NCOA1: variants seen among roughly 807,000 people sequenced by gnomAD.
The protein encoded by NCOA1 is nuclear receptor coactivator 1, also known as Hin-2 protein.
In NCOA1, 35 loss-of-function variants were observed where a neutral mutation model predicts 150.9. The ratio of observed to expected loss-of-function variants is 0.23; its 90% CI spans 0.18 to 0.31. NCOA1 has a LOEUF of 0.31. Among genes scored for constraint, NCOA1 ranks in the 10% least tolerant of loss-of-function variants. The pLI is 1.00. For synonymous variants in NCOA1, 590 were observed against 630.0 expected (o/e 0.94, Z 0.95); for missense variants, 1,491 against 1,749.3 (o/e 0.85, Z 2.63).
At chr2:24,530,124 A>G (rs1402984761) in intron 1 of NCOA1, among the ~76,000 whole-genome samples, 1 of 152,232 alleles carries the variant, frequency 6.6e-6, no homozygotes, top group African/African-American at 2.4e-5. Context: ...TCTTTCTGGC[A>G]TCACATTTGT....
At chr2:24,660,616 A>G (rs1259381839) in intron 5 of NCOA1, among the ~76,000 whole-genome samples, 2 of 152,108 alleles carry the variant, frequency 1.3e-5, no homozygotes, top group Admixed American at 1.3e-4. Flanking sequence ...TTAACTTTTG[A>G]TTAGTATTGC....
At chr2:24,656,087 CAAAAAA>C (rs58446937) in intron 4 of NCOA1, among the ~76,000 whole-genome samples, 2 of 62,080 alleles carry the variant, frequency 3.2e-5, no homozygotes, top group African/African-American at 1.1e-4. Flanking sequence ...GACTCCGTCT[CAAAAAA>C]AAAAAAAAAA....
chr2:24,528,884 G>A (rs1447143061), intron 1 of NCOA1, among the ~76,000 whole-genome samples: 1 of 151,878 alleles, frequency 6.6e-6, no homozygotes, highest in Non-Finnish European at 1.5e-5. Context: ...ATGATGAAGA[G>A]TTTTGTTTGT....
At chr2:24,507,250 G>A (rs1182909406) in intron 1 of NCOA1, among the ~76,000 whole-genome samples, 1 of 152,032 alleles carries the variant, frequency 6.6e-6, no homozygotes, top group Non-Finnish European at 1.5e-5. Context: ...TTGAATTCTG[G>A]CTCTCTCTGC....
At chr2:24,602,802 C>CATCA (rs1202189915) in intron 3 of NCOA1, among the ~76,000 whole-genome samples, 1 of 152,142 alleles carries the variant, frequency 6.6e-6, no homozygotes, top group South Asian at 2.1e-4. Flanking sequence ...GTGTCATGTA[C>CATCA]ATCAGCCTCA....
intron 14 of NCOA1, among the ~76,000 whole-genome samples, chr2:24,723,485 C>T (rs760392291): frequency 6.6e-6 from 1 of 152,132 alleles, no homozygotes; most frequent in Non-Finnish European, 1.5e-5. Flanking sequence ...ATAGATATTG[C>T]CAAATAGTCC....
chr2:24,540,276 CAGAT>C (rs1380254311), intron 1 of NCOA1, among the ~76,000 whole-genome samples: 2 of 152,174 alleles, frequency 1.3e-5, no homozygotes, highest in Admixed American at 6.5e-5. Context: ...TACTTTTAGA[CAGAT>C]AGGGAATTTA....
At chr2:24,746,614 C>A (rs554995520) in intron 19 of NCOA1, among the ~76,000 whole-genome samples, 2 of 152,184 alleles carry the variant, frequency 1.3e-5, no homozygotes, top group East Asian at 1.9e-4. Flanking sequence ...ACTAGATTAT[C>A]TGATTGATGC....
chr2:24,623,524 A>G (rs922744095), intron 3 of NCOA1, among the ~76,000 whole-genome samples: 1 of 152,238 alleles, frequency 6.6e-6, no homozygotes, highest in Non-Finnish European at 1.5e-5. Flanking sequence ...TAAAAAGATA[A>G]TAAGAAATAT....
At chr2:24,725,730 T>A (rs1372320529) in intron 14 of NCOA1, among the ~76,000 whole-genome samples, 2 of 128,502 alleles carry the variant, frequency 1.6e-5, no homozygotes, top group African/African-American at 6.3e-5. Context: ...TGTGTGTGTG[T>A]GTGTGTGTGT....
chr2:24,640,583 G>A (rs1462101395), intron 3 of NCOA1, among the ~76,000 whole-genome samples: 1 of 152,140 alleles, frequency 6.6e-6, no homozygotes, highest in Non-Finnish European at 1.5e-5. Flanking sequence ...CACAGGAGGA[G>A]GATCACTTAA....
intron 4 of NCOA1, among the ~76,000 whole-genome samples, chr2:24,655,096 T>C (rs923557865): frequency 6.6e-6 from 1 of 152,212 alleles, no homozygotes; most frequent in Non-Finnish European, 1.5e-5. Context: ...AGGACAGTTA[T>C]TTTGTAAATT....
intron 21 of NCOA1, among the ~76,000 whole-genome samples, chr2:24,760,143 C>CTT (rs1214234878): frequency 7.9e-5 from 10 of 125,904 alleles, no homozygotes; most frequent in African/African-American, 1.8e-4. Flanking sequence ...TTTTTTTTTT[C>CTT]TTTTTTTTTT....
chr2:24,707,742 A>G lies in NCOA1; in HGVS notation c.2272A>G (p.Lys758Glu). The stretch of plus-strand genomic sequence containing the variant: ...ACGCTATCTTTTAGATAAAGATGAG[A>G]AAGATTTAAGATCAACTCCAAACCT... ...LLRYLLDKDEKDLRSTPNLSL... is the reference protein window; with the variant it reads ...LLRYLLDKDEEDLRSTPNLSL... Residue 758 changes from lysine (K) to glutamate (E), a missense_variant, in exon 13 of 23, where the codon AAA (lysine) becomes GAA (glutamate). This residue lies in a region of NCOA1 where 703 missense variants were observed against 717.7 expected (regional missense o/e 0.98). Coordinates refer to ENST00000348332, the MANE Select transcript of NCOA1 (RefSeq NM_003743.5). 1 of 1,614,216 alleles carries G rather than the reference A, an allele frequency of 6.2e-7. No individual in the cohort carries two copies. The highest frequency in any genetic ancestry group is 8.5e-7 in the Non-Finnish European group (1 of 1,180,032).
intron 19 of NCOA1, among the ~76,000 whole-genome samples, chr2:24,751,285 C>G (rs1173199539): frequency 6.7e-6 from 1 of 148,716 alleles, no homozygotes; most frequent in Non-Finnish European, 1.5e-5. Context: ...TTTTTCTTAA[C>G]TATTATTTAA....
intron 1 of NCOA1, among the ~76,000 whole-genome samples, chr2:24,547,299 G>T (rs543626237): frequency 6.6e-6 from 1 of 152,228 alleles, no homozygotes; most frequent in South Asian, 2.1e-4. Flanking sequence ...GATAATGGGA[G>T]GCCTGGATAA....
At chr2:24,500,507 T>C (rs1663416569) in intron 1 of NCOA1, among the ~76,000 whole-genome samples, 1 of 152,244 alleles carries the variant, frequency 6.6e-6, no homozygotes, top group African/African-American at 2.4e-5. Flanking sequence ...GTTTGTAGTT[T>C]ACAGGGGCTT....
chr2:24,705,341 G>T, intron 12 of NCOA1, 108 bp downstream of exon 12: 1 of 1,140,422 alleles, frequency 8.8e-7, no homozygotes, highest in Non-Finnish European at 1.3e-6. Context: ...TCTAAATTAG[G>T]CGTAAAACTA....
At chr2:24,593,207 G>A (rs1667731942) in intron 3 of NCOA1, among the ~76,000 whole-genome samples, 1 of 152,118 alleles carries the variant, frequency 6.6e-6, no homozygotes, top group Non-Finnish European at 1.5e-5. Flanking sequence ...TTGACGGATG[G>A]CACTATTGAG....
Sources: gnomAD v4.1 joint callset for allele counts (sites outside exome capture counted in the v4.1 genomes callset) on GRCh38, gnomAD v4.1.1 for gene constraint, gnomAD v4.1.1 regional missense constraint, MANE v1.5 for transcripts, NCBI Gene and HGNC (gene_info 2026-07-23, HGNC 2026-07-21) for gene names.